The following CACNA2D2 variants were observed in gnomAD, a reference collection of about 807,000 sequenced individuals.
CACNA2D2 encodes the protein voltage-dependent calcium channel subunit alpha-2/delta-2.
A neutral mutation model predicts 166.4 loss-of-function variants in CACNA2D2; 48 were observed. That is an observed-to-expected ratio of 0.29 (90% CI 0.23 to 0.37). CACNA2D2 has a LOEUF of 0.37. CACNA2D2 is among the 10% of genes least tolerant of loss of function. CACNA2D2 has a pLI of 1.00. For missense variants in CACNA2D2, 1,122 were observed against 1,433.0 expected (o/e 0.78, Z 3.50); for synonymous variants, 561 against 573.7 (o/e 0.98, Z 0.32).
chr3:50,457,837 AAGAAGCT>A (rs1709429322), intron 2 of CACNA2D2, among the ~76,000 whole-genome samples: 1 of 152,172 alleles, frequency 6.6e-6, no homozygotes, highest in South Asian at 2.1e-4. Context: ...TCAGCTTCAG[AAGAAGCT>A]CAATCTCAAT....
At chr3:50,496,046 A>G (rs1698709997) in intron 1 of CACNA2D2, among the ~76,000 whole-genome samples, 1 of 152,252 alleles carries the variant, frequency 6.6e-6, no homozygotes, top group Non-Finnish European at 1.5e-5. Flanking sequence ...TGTTTCTAAC[A>G]TAAAAGTTTG....
chr3:50,413,841 C>T (rs907363902), intron 3 of CACNA2D2, among the ~76,000 whole-genome samples: 4 of 112,514 alleles, frequency 3.6e-5, no homozygotes, highest in African/African-American at 1.4e-4. Context: ...ATTGAGACTC[C>T]GTCTCAAAAA....
chr3:50,450,439 G>A (rs1402507390), intron 2 of CACNA2D2, among the ~76,000 whole-genome samples: 1 of 151,930 alleles, frequency 6.6e-6, no homozygotes, highest in Non-Finnish European at 1.5e-5. Context: ...CGTGAAATTG[G>A]AGTGAGACAA....
chr3:50,465,343 T>G (rs1237655889), intron 2 of CACNA2D2, among the ~76,000 whole-genome samples: 1 of 152,130 alleles, frequency 6.6e-6, no homozygotes, highest in Non-Finnish European at 1.5e-5. Flanking sequence ...TCCACACTGG[T>G]AGATGGAGCA....
Position 50,456,248 on chromosome 3 carries a change from A to AGCACCTAGCCTGAG in CACNA2D2, c.288+19856_288+19869dup, listed in dbSNP as rs1709353656. On this transcript the variant is annotated intron_variant, in intron 2 of 37. Coordinates refer to ENST00000424201, the MANE Select transcript of CACNA2D2 (RefSeq NM_006030.4). ...GAAAGGAGGTAGGTAGCTTTTAATT[A>AGCACCTAGCCTGAG]GCACCTAGCCTGAGTTCTGGTTGGC... Among the ~76,000 whole-genome samples the AGCACCTAGCCTGAG allele has an allele frequency of 2.6e-5, 4 of 152,224 alleles. No individual in the cohort carries two copies. In the South Asian group the frequency reaches 8.3e-4, roughly 32 times the overall value.
intron 2 of CACNA2D2, among the ~76,000 whole-genome samples, chr3:50,452,924 G>A (rs1709171608): frequency 6.6e-6 from 1 of 152,176 alleles, no homozygotes; most frequent in Admixed American, 6.5e-5. Flanking sequence ...TAAACTCTCT[G>A]AGCCTGCAGA....
chr3:50,469,520 T>C (rs1255959918), intron 2 of CACNA2D2, among the ~76,000 whole-genome samples: 4 of 152,158 alleles, frequency 2.6e-5, no homozygotes, highest in Non-Finnish European at 1.5e-5. Context: ...GGGCAGGCAA[T>C]TGACAGTGGT....
rs113776012 is a variant in CACNA2D2 at position 50,502,754 on chromosome 3, C to T, written c.206+464G>A. Among the ~76,000 whole-genome samples, 995 of 152,368 alleles carry T rather than the reference C, an allele frequency of 6.5e-3. 7 individuals carry two copies. Among genetic ancestry groups the T allele is most frequent in the African/African-American group, 0.022 (931 of 41,586 alleles). On this transcript the variant is annotated intron_variant, in intron 1 of 37. Transcript: ENST00000424201. ...CACTAAAGGAAAAGGCCCTTGAAGG[C>T]AGGTGTGGAGATGTCCCTCACCTCT...
At chr3:50,388,834 G>A (rs1424454884) in intron 4 of CACNA2D2, among the ~76,000 whole-genome samples, 2 of 152,244 alleles carry the variant, frequency 1.3e-5, no homozygotes, top group Non-Finnish European at 2.9e-5. Flanking sequence ...TCTAGGGGCT[G>A]CAGGCCACTG....
chr3:50,400,489 G>T (rs1451220266), intron 3 of CACNA2D2, among the ~76,000 whole-genome samples: 2 of 152,246 alleles, frequency 1.3e-5, no homozygotes, highest in Non-Finnish European at 2.9e-5. Flanking sequence ...GCCCTCACAT[G>T]ATGTGCTCAG....
Position 50,364,798 on chromosome 3 carries a change from G to A in CACNA2D2, c.3300C>T (p.Thr1100=), listed in dbSNP as rs762013139. The change falls in exon 38 of 38, where the codon ACC becomes ACT. Residue 1100 remains threonine (T), a synonymous_variant. Coordinates refer to ENST00000424201, the MANE Select transcript of CACNA2D2 (RefSeq NM_006030.4). ...ICFDYNATED[T]SDCGRGASFP... is the part of the protein sequence containing the mutation. The stretch of plus-strand genomic sequence containing the variant: ...AGGAGGCCCCGCGGCCACAGTCTGA[G>A]GTATCTTCCTGCGGGGAGAGACAAG... 13 of 1,610,298 alleles carry A rather than the reference G, an allele frequency of 8.1e-6. No homozygotes were observed. Among genetic ancestry groups the A allele is most frequent in the South Asian group, 1.1e-5 (1 of 90,742 alleles).
At chr3:50,449,273 A>G (rs1708997299) in intron 2 of CACNA2D2, among the ~76,000 whole-genome samples, 2 of 152,196 alleles carry the variant, frequency 1.3e-5, no homozygotes, top group South Asian at 2.1e-4. Flanking sequence ...GGACCTCACC[A>G]TGAGCCCTGA....
intron 1 of CACNA2D2, among the ~76,000 whole-genome samples, chr3:50,494,308 A>C (rs1439738579): frequency 6.6e-6 from 1 of 152,146 alleles, no homozygotes; most frequent in Non-Finnish European, 1.5e-5. Flanking sequence ...GCAGCACCAG[A>C]CCTGACCTTT....
At chr3:50,469,047 TG>T (rs1435110409) in intron 2 of CACNA2D2, among the ~76,000 whole-genome samples, 1 of 152,126 alleles carries the variant, frequency 6.6e-6, no homozygotes, top group Non-Finnish European at 1.5e-5. Context: ...CAGGCTGGTC[TG>T]GAACTCCTGG....
intron 3 of CACNA2D2, among the ~76,000 whole-genome samples, chr3:50,432,181 C>T (rs536527263): frequency 2.0e-5 from 3 of 152,008 alleles, no homozygotes; most frequent in Non-Finnish European, 4.4e-5. Flanking sequence ...CCCAAGCTAT[C>T]GGAGTTGATT....
intron 1 of CACNA2D2, among the ~76,000 whole-genome samples, chr3:50,485,486 G>A (rs1026758025): frequency 8.5e-5 from 13 of 152,240 alleles, no homozygotes; most frequent in Admixed American, 3.9e-4. Context: ...AGAAGGTAGC[G>A]CTGTAAAACA....
chr3:50,488,434 G>A (rs1242846275), intron 1 of CACNA2D2, among the ~76,000 whole-genome samples: 1 of 152,042 alleles, frequency 6.6e-6, no homozygotes, highest in Middle Eastern at 3.2e-3. Context: ...CTGGGCCCGG[G>A]TGCAGAGCCT....
intron 3 of CACNA2D2, among the ~76,000 whole-genome samples, chr3:50,415,436 GAC>G (rs1264395597): frequency 3.9e-5 from 6 of 152,174 alleles, no homozygotes; most frequent in African/African-American, 1.4e-4. Context: ...TGCAATGAAG[GAC>G]ACAGACCTGG....
At chr3:50,389,971 G>C (rs1705805744) in intron 4 of CACNA2D2, among the ~76,000 whole-genome samples, 1 of 151,900 alleles carries the variant, frequency 6.6e-6, no homozygotes, top group African/African-American at 2.4e-5. Flanking sequence ...TATGCATGAT[G>C]TGGTGTGGAG....
Sources: allele counts gnomAD v4.1 joint callset (sites outside exome capture counted in the v4.1 genomes callset), GRCh38; gene constraint gnomAD v4.1.1; transcripts MANE v1.5; gene names NCBI Gene and HGNC (gene_info 2026-07-23, HGNC 2026-07-21).